ATF7IP2: variants seen among roughly 807,000 people sequenced by gnomAD.
The protein encoded by ATF7IP2 is activating transcription factor 7-interacting protein 2.
A neutral mutation model predicts 64.2 loss-of-function variants in ATF7IP2; 42 were observed. The observed-to-expected ratio is 0.65, with a 90% CI of 0.51 to 0.85. The LOEUF (loss-of-function observed/expected upper bound fraction) is 0.85, where lower values mean the gene tolerates loss of function less well. ATF7IP2 is among the 40% of genes least tolerant of loss of function. The pLI, the probability that ATF7IP2 is intolerant of heterozygous loss-of-function variation, is 0.00. For missense variants in ATF7IP2, 933 were observed against 784.2 expected (o/e 1.19, Z -2.27); for synonymous variants, 308 against 272.8 (o/e 1.13, Z -1.27).
rs374961479 is a variant in ATF7IP2 at position 10,472,508 on chromosome 16, G to T, written c.1426+325G>T. 3.0e-4 allele frequency among the ~76,000 whole-genome samples: 45 copies of T among 151,336 alleles called. No homozygotes were observed. In the East Asian group the frequency reaches 3.5e-3, roughly 12 times the overall value. ...TGATGGTAGTGACGGTTTGTTTTTT[G>T]TCTTCTTATTTTTTATCTATTAAGT... is the stretch of plus-strand genomic sequence containing the variant. On this transcript the variant is annotated intron_variant, in intron 10 of 13. Coordinates refer to ENST00000562102, the MANE Select transcript of ATF7IP2 (RefSeq NM_001393719.1).
chr16:10,453,287 G>C (rs908119504), intron 8 of ATF7IP2, among the ~76,000 whole-genome samples: 6 of 152,184 alleles, frequency 3.9e-5, no homozygotes, highest in African/African-American at 7.2e-5. Context: ...ATCTGGGCTG[G>C]AGTGTACCGT....
chr16:10,452,376 G>C (rs1256704131), intron 8 of ATF7IP2, among the ~76,000 whole-genome samples: 2 of 152,152 alleles, frequency 1.3e-5, no homozygotes, highest in African/African-American at 2.4e-5. Context: ...GGCCCCTGTG[G>C]TGCAGGTCTG....
At chr16:10,457,314 T>G in intron 8 of ATF7IP2, 58 bp from the exon 9 acceptor site, 1 of 1,448,722 alleles carries the variant, frequency 6.9e-7, no homozygotes, top group Non-Finnish European at 9.4e-7. Context: ...TAATTTTGTT[T>G]GGAAGGATAC....
chr16:10,418,408 G>T (rs1195224111), intron 2 of ATF7IP2, among the ~76,000 whole-genome samples: 1 of 152,160 alleles, frequency 6.6e-6, no homozygotes. Flanking sequence ...TTGGGGGCCT[G>T]TTCCCAACAT....
intron 12 of ATF7IP2, among the ~76,000 whole-genome samples, chr16:10,475,722 G>GAAAAAAAAAA (rs386384218): frequency 6.0e-4 from 25 of 41,602 alleles, no homozygotes; most frequent in Non-Finnish European, 6.8e-4. Flanking sequence ...TAAGAAGCCA[G>GAAAAAAAAAA]AAAAAAAAAA....
At chr16:10,448,097 T>C (rs1039931611) in intron 8 of ATF7IP2, 6 of 152,264 alleles carry the variant, frequency 3.9e-5, no homozygotes, top group Non-Finnish European at 7.3e-5. Flanking sequence ...GGTGGTGTTA[T>C]ATCTAAGGCC....
At chr16:10,412,362 T>G (rs1315202593) in intron 1 of ATF7IP2, among the ~76,000 whole-genome samples, 1 of 152,190 alleles carries the variant, frequency 6.6e-6, no homozygotes, top group Non-Finnish European at 1.5e-5. Flanking sequence ...CCCAGAAGTT[T>G]TATAGGTTGT....
At position 10,433,506 on chromosome 16, in the gene ATF7IP2, A is replaced by T; in HGVS notation, c.836-19A>T. 1 of 1,599,008 alleles carries T rather than the reference A, an allele frequency of 6.3e-7. No homozygotes were observed. The highest frequency in any genetic ancestry group is 2.2e-5 in the East Asian group (1 of 44,688). ...TTTCTTTAAAATATCTTTCTTTCTA[A>T]TCTTTTGATCTCCTCAAGGCCATTA... On this transcript the variant is annotated intron_variant, in intron 5 of 13. Coordinates refer to ENST00000562102, the MANE Select transcript of ATF7IP2 (RefSeq NM_001393719.1).
intron 3 of ATF7IP2, among the ~76,000 whole-genome samples, chr16:10,422,866 A>T (rs559085737): frequency 6.6e-6 from 1 of 152,304 alleles, no homozygotes; most frequent in African/African-American, 2.4e-5. Flanking sequence ...TCTGCTTTCC[A>T]GGGAACAGAA....
chr16:10,477,611 CCGCTCCTATT>C (rs1390230596), intron 12 of ATF7IP2, among the ~76,000 whole-genome samples: 1 of 152,118 alleles, frequency 6.6e-6, no homozygotes, highest in Non-Finnish European at 1.5e-5. Flanking sequence ...CCCTCTCTCA[CCGCTCCTATT>C]CAACATAGTG....
intron 1 of ATF7IP2, among the ~76,000 whole-genome samples, chr16:10,394,050 G>A (rs974521073): frequency 6.6e-6 from 1 of 152,128 alleles, no homozygotes; most frequent in Non-Finnish European, 1.5e-5. Flanking sequence ...AAACAACCAA[G>A]TAATGTCAGG....
Position 10,482,113 on chromosome 16 carries a change from C to G in ATF7IP2, c.1913C>G (p.Pro638Arg). ...GGAGAAATTAAAGCTTTACCACTCC[C>G]CATGGCCTGTACTTTATCTCAGTTT... ...KIGEIKALPL[P>R]MACTLSQFLA... Residue 638 changes from proline to arginine, a missense_variant, in exon 14 of 14, where the codon CCC (proline) becomes CGC (arginine). By Grantham distance (103) the Pro-to-Arg change is moderately radical (BLOSUM62 -2). Coordinates refer to ENST00000562102, the MANE Select transcript of ATF7IP2 (RefSeq NM_001393719.1). 2 of 1,614,136 alleles carry G rather than the reference C, an allele frequency of 1.2e-6. No homozygotes were observed. Among genetic ancestry groups the G allele is most frequent in the Non-Finnish European group, 1.7e-6 (2 of 1,180,000 alleles).
chr16:10,453,840 C>G (rs1480031634), intron 8 of ATF7IP2, among the ~76,000 whole-genome samples: 3 of 152,054 alleles, frequency 2.0e-5, no homozygotes, highest in Non-Finnish European at 4.4e-5. Flanking sequence ...TGGTCTTGAA[C>G]TCCCGACCTC....
At chr16:10,404,426 G>C (rs1474862646) in intron 1 of ATF7IP2, among the ~76,000 whole-genome samples, 1 of 152,128 alleles carries the variant, frequency 6.6e-6, no homozygotes, top group Non-Finnish European at 1.5e-5. Flanking sequence ...CTGATTTTTA[G>C]TAGATACTGG....
chr16:10,444,827 A>G (rs1490587273), intron 8 of ATF7IP2, among the ~76,000 whole-genome samples: 2 of 152,158 alleles, frequency 1.3e-5, no homozygotes, highest in African/African-American at 2.4e-5. Context: ...TATCTGAATC[A>G]ATGTTTTTTA....
chr16:10,482,344 G>C lies in ATF7IP2; in HGVS notation c.*95G>C. Reference sequence around the variant, plus strand: ...TTTGCCATTGTAAAAGGCCAGCTCAGATTGTGAGCCCTTTCTATTGGGACA... The same window carrying C: ...TTTGCCATTGTAAAAGGCCAGCTCACATTGTGAGCCCTTTCTATTGGGACA... On this transcript the variant is annotated 3_prime_UTR_variant, in exon 14 of 14. Coordinates refer to ENST00000562102, the MANE Select transcript of ATF7IP2 (RefSeq NM_001393719.1). 5 of 915,042 alleles carry C rather than the reference G, an allele frequency of 5.5e-6. No individual in the cohort carries two copies. The highest frequency in any genetic ancestry group is 1.7e-5 in the African/African-American group (1 of 59,732). The allele number at this position is 915,042 out of a possible 1,614,324, so 56.7% of individuals were successfully genotyped here. A position where few individuals can be genotyped will look rare whatever the true frequency, so the allele number is the denominator to read the frequency against.
At chr16:10,443,890 C>G (rs544259031) in intron 8 of ATF7IP2, among the ~76,000 whole-genome samples, 1 of 152,082 alleles carries the variant, frequency 6.6e-6, no homozygotes, top group Non-Finnish European at 1.5e-5. Flanking sequence ...GTTCATTTAG[C>G]GATATAGAGA....
chr16:10,418,171 T>A (rs2047916480), intron 2 of ATF7IP2, among the ~76,000 whole-genome samples: 2 of 152,350 alleles, frequency 1.3e-5, no homozygotes, highest in Non-Finnish European at 2.9e-5. Context: ...GGGCTCTGGC[T>A]AGTTATCTGC....
rs79926333 is a variant in ATF7IP2 at position 10,433,258 on chromosome 16, C to G, written c.836-267C>G. Among the ~76,000 whole-genome samples, 428 of 152,270 alleles carry G rather than the reference C, an allele frequency of 2.8e-3. 5 individuals carry two copies. The highest frequency in any genetic ancestry group is 9.8e-3 in the African/African-American group (407 of 41,550). ...CAGTAGTCAAGGTGCTCACTGCCAC[C>G]TCAACCTCCCAGCCTCAAGCAATCC... On this transcript the variant is annotated intron_variant, in intron 5 of 13. Transcript: ENST00000562102.
Sources: gnomAD v4.1 joint callset for allele counts (sites outside exome capture counted in the v4.1 genomes callset) on GRCh38, gnomAD v4.1.1 for gene constraint, MANE v1.5 for transcripts, NCBI Gene and HGNC (gene_info 2026-07-23, HGNC 2026-07-21) for gene names.